Variants in NOS1AP observed in about 807,000 individuals in gnomAD.
The protein encoded by NOS1AP is carboxyl-terminal PDZ ligand of neuronal nitric oxide synthase protein.
NOS1AP carries 21 observed loss-of-function variants against 56.2 expected under a neutral mutation model. The ratio of observed to expected loss-of-function variants is 0.37; its 90% confidence interval spans 0.26 to 0.54. The LOEUF (loss-of-function observed/expected upper bound fraction) is 0.54. NOS1AP is among the 20% of genes least tolerant of loss of function. The probability of loss-of-function intolerance (pLI) is 0.84; values close to 1 mark genes in which losing one functional copy is unlikely to be tolerated. For synonymous variants in NOS1AP, 270 were observed against 274.6 expected, an observed-to-expected ratio of 0.98 and a Z score of 0.17; for missense variants, 522 against 657.8, an observed-to-expected ratio of 0.79 and a Z score of 2.26.
At chr1:162,334,249 C>T (rs1055037441) in intron 5 of NOS1AP, among the ~76,000 whole-genome samples, 2 of 152,160 alleles carry the variant, frequency 1.3e-5, no homozygotes, top group African/African-American at 4.8e-5. Context: ...CCACCCTGTT[C>T]CAGGCTTTTT....
At chr1:162,207,964 A>G (rs1443190164) in intron 2 of NOS1AP, among the ~76,000 whole-genome samples, 1 of 152,216 alleles carries the variant, frequency 6.6e-6, no homozygotes, top group African/African-American at 2.4e-5. Flanking sequence ...ATTATTTCAT[A>G]TTCATGAAAT....
chr1:162,113,596 C>G (rs1180224184), intron 1 of NOS1AP, among the ~76,000 whole-genome samples: 1 of 152,152 alleles, frequency 6.6e-6, no homozygotes, highest in Non-Finnish European at 1.5e-5. Context: ...AAAGGGGAAG[C>G]CAGCACTTTA....
At chr1:162,162,279 G>C (rs77794209) in intron 2 of NOS1AP, among the ~76,000 whole-genome samples, 2,931 of 152,266 alleles carry the variant, frequency 0.019, 112 homozygotes, top group African/African-American at 0.067. Flanking sequence ...TAAGATGAAG[G>C]ACACATGACT....
chr1:162,247,143 T>A (rs917010210), intron 2 of NOS1AP, among the ~76,000 whole-genome samples: 1 of 152,092 alleles, frequency 6.6e-6, no homozygotes, highest in Admixed American at 6.6e-5. Context: ...CTTAGCATGT[T>A]TTTTGTTGTC....
chr1:162,151,689 T>C (rs1451799480), intron 1 of NOS1AP, among the ~76,000 whole-genome samples: 4 of 152,200 alleles, frequency 2.6e-5, no homozygotes, highest in Non-Finnish European at 4.4e-5. Flanking sequence ...TTGTAGTTTT[T>C]ATTGTAGAGA....
chr1:162,287,776 C>T (rs1450777093), intron 3 of NOS1AP, among the ~76,000 whole-genome samples: 3 of 152,006 alleles, frequency 2.0e-5, no homozygotes, highest in Non-Finnish European at 4.4e-5. Context: ...GTAAGAATAG[C>T]AGGGTTCAGT....
At chr1:162,201,401 G>T (rs1553194987) in intron 2 of NOS1AP, among the ~76,000 whole-genome samples, 1 of 152,124 alleles carries the variant, frequency 6.6e-6, no homozygotes, top group Non-Finnish European at 1.5e-5. Context: ...GAATAGTGCT[G>T]TGATAAATAG....
chr1:162,238,712 T>G (rs1213821613), intron 2 of NOS1AP, among the ~76,000 whole-genome samples: 1 of 152,332 alleles, frequency 6.6e-6, no homozygotes, highest in East Asian at 1.9e-4. Flanking sequence ...ATCTGACATC[T>G]CATCTCTTAT....
At chr1:162,075,038 TG>T (rs2102009589) in intron 1 of NOS1AP, among the ~76,000 whole-genome samples, 1 of 152,336 alleles carries the variant, frequency 6.6e-6, no homozygotes, top group African/African-American at 2.4e-5. Flanking sequence ...TACTTCTTGA[TG>T]GGGGAATGTC....
intron 1 of NOS1AP, among the ~76,000 whole-genome samples, chr1:162,143,940 C>A (rs142676092): frequency 1.3e-5 from 2 of 152,348 alleles, no homozygotes; most frequent in African/African-American, 4.8e-5. Context: ...AGGGATCTCT[C>A]TCTATTGTCA....
intron 3 of NOS1AP, among the ~76,000 whole-genome samples, chr1:162,294,598 C>G (rs1348805463): frequency 6.6e-6 from 1 of 152,164 alleles, no homozygotes; most frequent in Non-Finnish European, 1.5e-5. Flanking sequence ...CTCCCTCTAT[C>G]TCGCTGACTT....
intron 2 of NOS1AP, among the ~76,000 whole-genome samples, chr1:162,245,281 C>T (rs988944513): frequency 6.6e-6 from 1 of 152,156 alleles, no homozygotes; most frequent in Non-Finnish European, 1.5e-5. Flanking sequence ...TGAACAGATG[C>T]TGAGCATCAT....
intron 3 of NOS1AP, among the ~76,000 whole-genome samples, chr1:162,292,735 T>C (rs1209220900): frequency 6.6e-6 from 1 of 152,256 alleles, no homozygotes; most frequent in African/African-American, 2.4e-5. Flanking sequence ...GTCATGGGTG[T>C]ATTACATCAC....
intron 2 of NOS1AP, among the ~76,000 whole-genome samples, chr1:162,182,017 C>G (rs1383621161): frequency 6.6e-6 from 1 of 152,158 alleles, no homozygotes; most frequent in Non-Finnish European, 1.5e-5. Flanking sequence ...CTTCTATTTA[C>G]ATTGTTATTT....
chr1:162,369,659 A>G lies in NOS1AP; in HGVS notation c.*2192A>G, dbSNP rs1647315766. The G allele has an allele frequency of 6.6e-6, 1 of 152,264 alleles. No homozygotes were observed. The highest frequency in any genetic ancestry group is 1.5e-5 in the Non-Finnish European group (1 of 68,064). The allele number at this position is 152,264 out of a possible 1,614,324, so 9.4% of individuals were successfully genotyped here. On this transcript the variant is annotated 3_prime_UTR_variant, in exon 10 of 10. Transcript: ENST00000361897. ...AATTAAAGAATTGGAGAAACTAGTT[A>G]TCTGTGTTGCTGACTTTGGGACCCA...
chr1:162,170,020 A>G (rs1043821515), intron 2 of NOS1AP, among the ~76,000 whole-genome samples: 3 of 152,132 alleles, frequency 2.0e-5, no homozygotes, highest in Non-Finnish European at 1.5e-5. Flanking sequence ...ATCTTCCCTG[A>G]TTCCTCTCAC....
intron 8 of NOS1AP, among the ~76,000 whole-genome samples, chr1:162,361,213 G>T (rs887579613): frequency 6.6e-6 from 1 of 152,128 alleles, no homozygotes; most frequent in African/African-American, 2.4e-5. Context: ...TACCTTTCCA[G>T]AAAGAAATAT....
chr1:162,273,063 G>A (rs1017384118), intron 2 of NOS1AP, among the ~76,000 whole-genome samples: 5 of 152,068 alleles, frequency 3.3e-5, no homozygotes, highest in Non-Finnish European at 4.4e-5. Flanking sequence ...GTATAGGCTG[G>A]AGGGGACTCT....
At chr1:162,236,247 A>G (rs1360179261) in intron 2 of NOS1AP, among the ~76,000 whole-genome samples, 1 of 152,214 alleles carries the variant, frequency 6.6e-6, no homozygotes, top group African/African-American at 2.4e-5. Flanking sequence ...CCAACTTTCT[A>G]ATACCAATCA....
Sources: allele counts gnomAD v4.1 joint callset (sites outside exome capture counted in the v4.1 genomes callset), GRCh38; gene constraint gnomAD v4.1.1; transcripts MANE v1.5; gene names NCBI Gene and HGNC (gene_info 2026-07-23, HGNC 2026-07-21).